COL23A1: variants seen among roughly 807,000 people sequenced by gnomAD.
The protein encoded by COL23A1 is collagen alpha-1(XXIII) chain.
Under a neutral mutation model 99.3 loss-of-function variants are expected in COL23A1, and 97 were observed. That is an observed-to-expected ratio of 0.98 (90% CI 0.83 to 1.16). COL23A1 has a LOEUF of 1.16. COL23A1 is among the 50% of genes most tolerant of loss of function. The probability of loss-of-function intolerance (pLI) is 0.00; values close to 1 mark genes in which losing one functional copy is unlikely to be tolerated. For missense variants in COL23A1, 762 were observed against 757.4 expected, an observed-to-expected ratio of 1.01 and a Z score of -0.07; for synonymous variants, 320 against 308.2, an observed-to-expected ratio of 1.04 and a Z score of -0.40.
intron 2 of COL23A1, among the ~76,000 whole-genome samples, chr5:178,401,873 T>C (rs754247098): frequency 1.3e-5 from 2 of 152,186 alleles, no homozygotes; most frequent in Non-Finnish European, 1.5e-5. Context: ...TGGAGTGCAA[T>C]GGCGCAATCT....
At chr5:178,315,092 T>A (rs999824043) in intron 2 of COL23A1, among the ~76,000 whole-genome samples, 14 of 152,130 alleles carry the variant, frequency 9.2e-5, no homozygotes, top group Middle Eastern at 6.3e-3. Context: ...TAGCATGCCC[T>A]CCTTGTGCCA....
intron 2 of COL23A1, among the ~76,000 whole-genome samples, chr5:178,424,110 G>A (rs1356022406): frequency 2.0e-5 from 3 of 152,088 alleles, no homozygotes; most frequent in Admixed American, 6.5e-5. Context: ...GGGAAGTAAC[G>A]CGCTTGCTCC....
At position 178,565,495 on chromosome 5, in the gene COL23A1, C is replaced by T. The variant is rs887452450; in HGVS notation, c.295-4747G>A. Among the ~76,000 whole-genome samples, 4 of 152,128 alleles carry T rather than the reference C, an allele frequency of 2.6e-5. No homozygotes were observed. In the South Asian group the frequency reaches 6.2e-4, roughly 24 times the overall value. On this transcript the variant is annotated intron_variant, in intron 1 of 28. Coordinates refer to ENST00000390654, the MANE Select transcript of COL23A1 (RefSeq NM_173465.4). ...AGCCTTCTCACCACCACCAGCAACC[C>T]GAGGAGACTCCTTTTCCTGACCCCT... is the stretch of plus-strand genomic sequence containing the variant.
chr5:178,397,495 TG>T (rs1230105350), intron 2 of COL23A1, among the ~76,000 whole-genome samples: 1 of 152,224 alleles, frequency 6.6e-6, no homozygotes, highest in Non-Finnish European at 1.5e-5. Flanking sequence ...ACAACTATAC[TG>T]CCCCTTCTAA....
At chr5:178,555,672 A>T (rs1762232661) in intron 2 of COL23A1, among the ~76,000 whole-genome samples, 1 of 152,218 alleles carries the variant, frequency 6.6e-6, no homozygotes, top group South Asian at 2.1e-4. Context: ...CAAGGGCCAC[A>T]GTGACCCTTG....
At chr5:178,342,335 T>G (rs955362517) in intron 2 of COL23A1, among the ~76,000 whole-genome samples, 1 of 152,206 alleles carries the variant, frequency 6.6e-6, no homozygotes, top group African/African-American at 2.4e-5. Flanking sequence ...GGCATCCTTT[T>G]TCTCAGGCCA....
intron 2 of COL23A1, among the ~76,000 whole-genome samples, chr5:178,323,683 C>T (rs1405609961): frequency 1.3e-5 from 2 of 152,156 alleles, no homozygotes; most frequent in East Asian, 3.9e-4. Context: ...ACCTTGGCTG[C>T]TTCTAGAGCT....
chr5:178,518,082 G>A (rs1759660802), intron 2 of COL23A1, among the ~76,000 whole-genome samples: 1 of 127,696 alleles, frequency 7.8e-6, no homozygotes, highest in South Asian at 2.8e-4. Context: ...CTTGAGATTA[G>A]GGATTGGTGA....
chr5:178,490,136 G>A (rs1305838257), intron 2 of COL23A1, among the ~76,000 whole-genome samples: 1 of 152,026 alleles, frequency 6.6e-6, no homozygotes, highest in Non-Finnish European at 1.5e-5. Context: ...TGAGGCAGAA[G>A]AATCGCTTGA....
At chr5:178,547,194 C>T (rs1277207563) in intron 2 of COL23A1, among the ~76,000 whole-genome samples, 2 of 151,534 alleles carry the variant, frequency 1.3e-5, no homozygotes, top group Non-Finnish European at 2.9e-5. Context: ...AGTACCCCGA[C>T]AGTATCTGAT....
intron 2 of COL23A1, among the ~76,000 whole-genome samples, chr5:178,505,158 C>T (rs1276715903): frequency 2.0e-5 from 3 of 152,262 alleles, no homozygotes; most frequent in East Asian, 1.9e-4. Context: ...TGCTCGAAAT[C>T]GTGGCGTTCC....
chr5:178,256,348 C>G lies in COL23A1; in HGVS notation c.882+5G>C. On this transcript the variant is annotated splice_donor_5th_base_variant and intron_variant, in intron 15 of 28. Coordinates refer to ENST00000390654, the MANE Select transcript of COL23A1 (RefSeq NM_173465.4). ...TGAGGCCTCGCCTGAGGGGCGGCAG[C>G]TTACCCGGGGCCCTGCAGCTCCATC... 6.3e-7 allele frequency: 1 copy of G among 1,599,886 alleles called. No individual in the cohort carries two copies.
At chr5:178,458,158 G>T (rs1755900659) in intron 2 of COL23A1, among the ~76,000 whole-genome samples, 1 of 2,446 alleles carries the variant, frequency 4.1e-4, no homozygotes, top group Non-Finnish European at 6.5e-4. Context: ...AGAAATAACT[G>T]CGATTGACCT....
At chr5:178,362,743 T>C (rs768890791) in intron 2 of COL23A1, among the ~76,000 whole-genome samples, 35 of 152,192 alleles carry the variant, frequency 2.3e-4, no homozygotes, top group Non-Finnish European at 4.9e-4. Flanking sequence ...GCTAGAACTT[T>C]GAAGACTCCA....
chr5:178,535,384 C>T (rs1760881671), intron 2 of COL23A1, among the ~76,000 whole-genome samples: 1 of 152,262 alleles, frequency 6.6e-6, no homozygotes, highest in Admixed American at 6.5e-5. Context: ...ACACAGCTCC[C>T]TTCTGGCTCC....
At chr5:178,456,853 G>GT (rs1462101873) in intron 2 of COL23A1, among the ~76,000 whole-genome samples, 2 of 152,110 alleles carry the variant, frequency 1.3e-5, no homozygotes, top group Non-Finnish European at 2.9e-5. Context: ...TTGCAAATCA[G>GT]TAAGAAAAGC....
intron 5 of COL23A1, among the ~76,000 whole-genome samples, chr5:178,276,908 G>C (rs1756615595): frequency 6.6e-6 from 1 of 152,226 alleles, no homozygotes; most frequent in South Asian, 2.1e-4. Flanking sequence ...AGGAGCTTCA[G>C]CTGGGTGGGG....
intron 1 of COL23A1, among the ~76,000 whole-genome samples, chr5:178,584,577 G>C (rs978683944): frequency 7.9e-5 from 12 of 152,120 alleles, no homozygotes; most frequent in Admixed American, 7.2e-4. Context: ...GGATCCAAAG[G>C]CATCTAGAAA....
intron 2 of COL23A1, among the ~76,000 whole-genome samples, chr5:178,359,176 C>T (rs1029546213): frequency 2.6e-5 from 4 of 152,208 alleles, no homozygotes; most frequent in African/African-American, 9.7e-5. Flanking sequence ...TAACCTCTCT[C>T]AGCCTCGGTT....
Sources: gnomAD v4.1 joint callset for allele counts (sites outside exome capture counted in the v4.1 genomes callset) on GRCh38, gnomAD v4.1.1 for gene constraint, MANE v1.5 for transcripts, NCBI Gene and HGNC (gene_info 2026-07-23, HGNC 2026-07-21) for gene names.